TENM2: variants seen among roughly 807,000 people sequenced by gnomAD.
The protein encoded by TENM2 is teneurin transmembrane protein 2, also known as teneurin-2.
In TENM2, 52 loss-of-function variants were observed where a neutral mutation model predicts 245.2. The observed-to-expected ratio is 0.21, with a 90% CI of 0.17 to 0.27. The LOEUF (loss-of-function observed/expected upper bound fraction) is 0.27. Ranked by LOEUF, TENM2 falls within the 10% of genes least tolerant of loss-of-function variation. The pLI is 1.00. For missense variants in TENM2, 3,046 were observed against 3,666.8 expected (o/e 0.83, Z 4.37); for synonymous variants, 1,363 against 1,438.9 (o/e 0.95, Z 1.19).
intron 12 of TENM2, chr5:168,139,416 A>G (rs1374894480): frequency 8.9e-6 from 4 of 451,578 alleles, no homozygotes; most frequent in Non-Finnish European, 1.8e-5. Flanking sequence ...TCAGATGCTT[A>G]TAATCTAATT....
intron 4 of TENM2, chr5:167,965,188 ATGTCTGGG>A (rs1273080672): frequency 6.6e-6 from 1 of 152,154 alleles, no homozygotes. Flanking sequence ...TTTGACTTAG[ATGTCTGGG>A]TGAATAGCAA....
At chr5:167,050,247 C>T in the TENM2 span, among the ~76,000 whole-genome samples, 1 of 152,138 alleles carries the variant, frequency 6.6e-6, no homozygotes, top group Non-Finnish European at 1.5e-5. Context: ...TGAGCTCCAC[C>T]TCCTGTCAGG....
At chr5:167,576,375 T>C (rs1332631700) in intron 2 of TENM2, among the ~76,000 whole-genome samples, 2 of 151,748 alleles carry the variant, frequency 1.3e-5, no homozygotes, top group Admixed American at 6.6e-5. Flanking sequence ...AGTAGACTTA[T>C]AAAAGCCAAG....
the TENM2 span, among the ~76,000 whole-genome samples, chr5:167,104,559 G>A: frequency 6.6e-6 from 1 of 152,194 alleles, no homozygotes; most frequent in Non-Finnish European, 1.5e-5. Context: ...CTTGTAAAGG[G>A]TAATTGCATT....
chr5:167,456,495 G>GT (rs1489599666), intron 2 of TENM2, among the ~76,000 whole-genome samples: 1 of 151,950 alleles, frequency 6.6e-6, no homozygotes, highest in Non-Finnish European at 1.5e-5. Context: ...CACACATCTG[G>GT]TTTTTAAATG....
At chr5:168,024,257 C>T (rs931285154) in intron 5 of TENM2, among the ~76,000 whole-genome samples, 4 of 152,094 alleles carry the variant, frequency 2.6e-5, no homozygotes, top group African/African-American at 9.7e-5. Context: ...GCACCTATGC[C>T]ACCTACAGTA....
intron 13 of TENM2, among the ~76,000 whole-genome samples, chr5:168,180,694 G>A (rs541034285): frequency 1.3e-5 from 2 of 152,240 alleles, no homozygotes; most frequent in African/African-American, 2.4e-5. Flanking sequence ...TCAGGAGTTC[G>A]AGACCAGCCT....
At chr5:167,493,574 A>G (rs982198327) in intron 2 of TENM2, among the ~76,000 whole-genome samples, 1 of 152,150 alleles carries the variant, frequency 6.6e-6, no homozygotes, top group African/African-American at 2.4e-5. Context: ...AGCACTCAAT[A>G]AATATTTGCT....
intron 2 of TENM2, among the ~76,000 whole-genome samples, chr5:167,599,788 T>C (rs1776480575): frequency 6.6e-6 from 1 of 152,162 alleles, no homozygotes; most frequent in Non-Finnish European, 1.5e-5. Flanking sequence ...TAGTGAAATA[T>C]TCTGTGATAG....
At chr5:167,520,195 A>G (rs1209418531) in intron 2 of TENM2, among the ~76,000 whole-genome samples, 3 of 152,176 alleles carry the variant, frequency 2.0e-5, no homozygotes, top group Non-Finnish European at 4.4e-5. Flanking sequence ...AAGTATTTTG[A>G]TATTCCCTGT....
At chr5:168,037,454 G>T (rs1787807535) in intron 5 of TENM2, among the ~76,000 whole-genome samples, 1 of 151,450 alleles carries the variant, frequency 6.6e-6, no homozygotes, top group Admixed American at 6.6e-5. Context: ...TTAGATTCTA[G>T]CTGTGAATAA....
chr5:167,226,108 T>C, the TENM2 span, among the ~76,000 whole-genome samples: 1 of 151,908 alleles, frequency 6.6e-6, no homozygotes, highest in African/African-American at 2.4e-5. Flanking sequence ...AAAAAACTTT[T>C]CACTTTTTTG....
chr5:167,100,760 C>A, the TENM2 span, among the ~76,000 whole-genome samples: 1 of 151,920 alleles, frequency 6.6e-6, no homozygotes, highest in African/African-American at 2.4e-5. Flanking sequence ...AAAATGCTTC[C>A]CTTGTATATC....
intron 3 of TENM2, among the ~76,000 whole-genome samples, chr5:167,894,930 G>GAAGC (rs1775057964): frequency 3.8e-5 from 1 of 26,594 alleles, no homozygotes; most frequent in South Asian, 1.4e-3. Flanking sequence ...AAGAAGGAAG[G>GAAGC]AAGGAAGGAA....
intron 2 of TENM2, among the ~76,000 whole-genome samples, chr5:167,402,917 T>A (rs2127388793): frequency 6.6e-6 from 1 of 152,178 alleles, no homozygotes; most frequent in South Asian, 2.1e-4. Context: ...CAATTAATTT[T>A]GGTCTGTCTC....
chr5:167,200,976 C>A, the TENM2 span, among the ~76,000 whole-genome samples: 1 of 151,942 alleles, frequency 6.6e-6, no homozygotes, highest in Non-Finnish European at 1.5e-5. Context: ...TGAGAAATTC[C>A]AGGGAAAGAG....
intron 2 of TENM2, among the ~76,000 whole-genome samples, chr5:167,597,090 G>C (rs1776268516): frequency 6.6e-6 from 1 of 151,356 alleles, no homozygotes; most frequent in Non-Finnish European, 1.5e-5. Context: ...CCCAAATACT[G>C]ACACTAGGAC....
intron 12 of TENM2, among the ~76,000 whole-genome samples, chr5:168,146,755 G>A (rs1756120949): frequency 6.6e-6 from 1 of 152,216 alleles, no homozygotes; most frequent in African/African-American, 2.4e-5. Flanking sequence ...AACTGACTCA[G>A]AGAGGTTAAG....
intron 2 of TENM2, among the ~76,000 whole-genome samples, chr5:167,536,557 T>C (rs970669980): frequency 1.6e-4 from 24 of 152,236 alleles, no homozygotes; most frequent in Non-Finnish European, 2.2e-4. Flanking sequence ...TGTACTATAG[T>C]TTTCTCACTC....
Sources: allele counts gnomAD v4.1 joint callset (sites outside exome capture counted in the v4.1 genomes callset), GRCh38; gene constraint gnomAD v4.1.1; transcripts MANE v1.5; gene names NCBI Gene and HGNC (gene_info 2026-07-23, HGNC 2026-07-21).